The following KLF17 variants were observed in gnomAD, a reference collection of about 807,000 sequenced individuals.
KLF17 encodes the protein Krueppel-like factor 17.
A neutral mutation model predicts 34.2 loss-of-function variants in KLF17; 31 were observed. The observed-to-expected ratio is 0.91, with a 90% CI of 0.68 to 1.22. KLF17 has a LOEUF of 1.22. Among genes scored for constraint, KLF17 ranks in the 50% most tolerant of loss-of-function variants. The pLI is 0.00. For missense variants in KLF17, 478 were observed against 505.2 expected (o/e 0.95, Z 0.52); for synonymous variants, 179 against 186.7 (o/e 0.96, Z 0.34).
At chr1:44,083,681 C>T in the KLF17 span, among the ~76,000 whole-genome samples, 2 of 151,592 alleles carry the variant, frequency 1.3e-5, no homozygotes, top group African/African-American at 2.4e-5. Context: ...GTAGTTCCAG[C>T]CACTTGGGAG....
chr1:44,070,168 A>C, the KLF17 span, among the ~76,000 whole-genome samples: 7 of 152,102 alleles, frequency 4.6e-5, no homozygotes, highest in South Asian at 1.5e-3. Context: ...TCCCTCTACC[A>C]AACCTCCTTT....
the KLF17 span, among the ~76,000 whole-genome samples, chr1:44,062,992 A>G: frequency 6.6e-6 from 1 of 152,238 alleles, no homozygotes; most frequent in Admixed American, 6.5e-5. Flanking sequence ...CCCAATGCGC[A>G]TCAGCAGAAG....
Position 44,129,588 on chromosome 1 carries a change from T to G in KLF17, c.317T>G (p.Leu106Arg), listed in dbSNP as rs768655136. 1 of 1,614,106 alleles carries G rather than the reference T, an allele frequency of 6.2e-7. No homozygotes were observed. ...ATGAGCTACTGCCCCCAAGCGACTC[T>G]CACTCCTTCCCGGATGATTTACTGT... ...RGMSYCPQATLTPSRMIYCQR... is the reference protein window; with the variant it reads ...RGMSYCPQATRTPSRMIYCQR... Residue 106 changes from leucine to arginine, a missense_variant, in exon 2 of 4, where the codon CTC becomes CGC. Leu to Arg is a moderately radical substitution (Grantham distance 102, BLOSUM62 -2). Transcript: ENST00000372299.
intron 1 of KLF17, among the ~76,000 whole-genome samples, chr1:44,127,718 T>TTTC (rs1557732130): frequency 7.0e-4 from 76 of 108,618 alleles, no homozygotes; most frequent in African/African-American, 3.5e-3. Flanking sequence ...CTTTCTTCTC[T>TTTC]TTTCTTTCTT....
the KLF17 span, among the ~76,000 whole-genome samples, chr1:44,057,142 G>T: frequency 6.6e-6 from 1 of 151,978 alleles, no homozygotes; most frequent in Non-Finnish European, 1.5e-5. Flanking sequence ...AGGAAGACAG[G>T]TTATACAGTG....
the KLF17 span, among the ~76,000 whole-genome samples, chr1:44,097,462 G>C: frequency 6.6e-6 from 1 of 152,064 alleles, no homozygotes; most frequent in Non-Finnish European, 1.5e-5. Context: ...GGGTAGTATG[G>C]CCATTTTCAC....
the KLF17 span, among the ~76,000 whole-genome samples, chr1:44,078,763 G>C: frequency 6.6e-6 from 1 of 152,084 alleles, no homozygotes; most frequent in Non-Finnish European, 1.5e-5. Context: ...CACTGGTGTG[G>C]ATGCCAGCAG....
the KLF17 span, chr1:44,103,340 GGACTCGGACACC>G: frequency 7.7e-6 from 5 of 652,744 alleles, no homozygotes; most frequent in Non-Finnish European, 1.4e-5. Flanking sequence ...CTCGGACACC[GGACTCGGACACC>G]GGCTTCCCGT....
the KLF17 span, among the ~76,000 whole-genome samples, chr1:44,087,767 TATACAC>T: frequency 6.8e-3 from 363 of 53,308 alleles, no homozygotes; most frequent in Non-Finnish European, 0.012. Context: ...TATATATATA[TATACAC>T]ACACACACAC....
At chr1:44,060,272 C>A in the KLF17 span, among the ~76,000 whole-genome samples, 3 of 152,084 alleles carry the variant, frequency 2.0e-5, no homozygotes, top group Admixed American at 1.3e-4. Flanking sequence ...GAGTTAGAGA[C>A]CAGCCTGGCC....
the KLF17 span, among the ~76,000 whole-genome samples, chr1:44,073,333 A>G: frequency 6.6e-6 from 1 of 151,554 alleles, no homozygotes; most frequent in Non-Finnish European, 1.5e-5. Flanking sequence ...CAGCCTCCCA[A>G]GTAGCTGGGA....
chr1:44,129,242 C>G (rs1389687412), intron 1 of KLF17, 111 bp from the exon 2 acceptor site: 2 of 1,307,374 alleles, frequency 1.5e-6, no homozygotes, highest in African/African-American at 3.0e-5. Flanking sequence ...CAGGATAATT[C>G]AAGCAAGAGA....
the KLF17 span, among the ~76,000 whole-genome samples, chr1:44,061,516 G>A: frequency 6.6e-6 from 1 of 152,160 alleles, no homozygotes; most frequent in Admixed American, 6.5e-5. Flanking sequence ...CCATGGCAAT[G>A]CCCTGAAGTT....
At chr1:44,122,357 A>G in intron 1 of KLF17, 1 of 1,607,912 alleles carries the variant, frequency 6.2e-7, no homozygotes, top group Non-Finnish European at 8.5e-7. Context: ...CCAGCTGTAC[A>G]GGTTCTCTGT....
At chr1:44,110,957 A>T in the KLF17 span, among the ~76,000 whole-genome samples, 1 of 150,794 alleles carries the variant, frequency 6.6e-6, no homozygotes, top group African/African-American at 2.4e-5. Context: ...ACCCCATCTT[A>T]AAAAAAAATA....
chr1:44,070,590 CTTTTTTT>C, the KLF17 span, among the ~76,000 whole-genome samples: 11 of 78,680 alleles, frequency 1.4e-4, no homozygotes, highest in South Asian at 3.9e-4. Context: ...TTTCCCTTGT[CTTTTTTT>C]TTTTTTTTTT....
At chr1:44,051,920 T>G in the KLF17 span, among the ~76,000 whole-genome samples, 22 of 152,150 alleles carry the variant, frequency 1.4e-4, no homozygotes, top group African/African-American at 5.3e-4. Context: ...TCCAGGTTTT[T>G]CAGCATTGGT....
At chr1:44,073,875 G>A in the KLF17 span, among the ~76,000 whole-genome samples, 1 of 151,802 alleles carries the variant, frequency 6.6e-6, no homozygotes, top group Non-Finnish European at 1.5e-5. Flanking sequence ...TTCATATGTA[G>A]CACTTCTCAT....
At chr1:44,117,709 G>A (rs2087896653), upstream of KLF17, among the ~76,000 whole-genome samples, 1 of 151,512 alleles carries the variant, frequency 6.6e-6, no homozygotes, top group Non-Finnish European at 1.5e-5. Context: ...TGGCCAGGCT[G>A]GTCTCAAACT....
Sources: allele counts gnomAD v4.1 joint callset (sites outside exome capture counted in the v4.1 genomes callset), GRCh38; gene constraint gnomAD v4.1.1; transcripts MANE v1.5; gene names NCBI Gene and HGNC (gene_info 2026-07-23, HGNC 2026-07-21).